The following DNAJC6 variants were observed in gnomAD, a reference collection of about 807,000 sequenced individuals.
DNAJC6 encodes DnaJ heat shock protein family (Hsp40) member C6, also known as auxilin.
A neutral mutation model predicts 110.0 loss-of-function variants in DNAJC6; 34 were observed. That is an observed-to-expected ratio of 0.31 (90% confidence interval 0.24 to 0.41). The LOEUF is 0.41. Among genes scored for constraint, DNAJC6 ranks in the 10% least tolerant of loss-of-function variants. The probability of loss-of-function intolerance (pLI) is 1.00; values close to 1 mark genes in which losing one functional copy is unlikely to be tolerated. For synonymous variants in DNAJC6, 406 were observed against 437.2 expected, an observed-to-expected ratio of 0.93 and a Z score of 0.89; for missense variants, 1,031 against 1,207.8, an observed-to-expected ratio of 0.85 and a Z score of 2.17.
At chr1:65,410,851 T>G (rs1469794385) in intron 17 of DNAJC6, among the ~76,000 whole-genome samples, 1 of 152,198 alleles carries the variant, frequency 6.6e-6, no homozygotes, top group Non-Finnish European at 1.5e-5. Context: ...CAATAAAGTG[T>G]GGTACATATT....
chr1:65,318,173 G>A (rs1056712898), intron 1 of DNAJC6, among the ~76,000 whole-genome samples: 17 of 152,154 alleles, frequency 1.1e-4, no homozygotes, highest in African/African-American at 3.4e-4. Context: ...ACTAGGCACA[G>A]TGTCTAGAAA....
chr1:65,412,395 C>G (rs1404185584), intron 18 of DNAJC6, among the ~76,000 whole-genome samples: 1 of 152,122 alleles, frequency 6.6e-6, no homozygotes, highest in Non-Finnish European at 1.5e-5. Flanking sequence ...GGAACACAGG[C>G]TTGAATTTGA....
At chr1:65,291,950 C>T (rs1644879629) in intron 1 of DNAJC6, among the ~76,000 whole-genome samples, 3 of 152,056 alleles carry the variant, frequency 2.0e-5, no homozygotes, top group Non-Finnish European at 1.5e-5. Context: ...ACTTTTTTCC[C>T]ACCTTCACTC....
intron 1 of DNAJC6, among the ~76,000 whole-genome samples, chr1:65,341,810 G>A (rs770970493): frequency 2.2e-4 from 33 of 150,642 alleles, no homozygotes; most frequent in Non-Finnish European, 4.1e-4. Context: ...GTGGGACTGG[G>A]CAGCAAGAAG....
intron 1 of DNAJC6, among the ~76,000 whole-genome samples, chr1:65,349,583 T>G (rs1645472186): frequency 6.6e-6 from 1 of 152,152 alleles, no homozygotes; most frequent in South Asian, 2.1e-4. Flanking sequence ...TCTATAAAGT[T>G]CTTGGTTGAT....
chr1:65,304,818 AT>A (rs564711658), upstream of DNAJC6, among the ~76,000 whole-genome samples: 7 of 152,338 alleles, frequency 4.6e-5, no homozygotes, highest in South Asian at 1.5e-3. Context: ...GAGGCTGAGT[AT>A]TCTACATTGG....
chr1:65,342,332 A>G (rs575968928), intron 1 of DNAJC6, among the ~76,000 whole-genome samples: 1 of 152,120 alleles, frequency 6.6e-6, no homozygotes, highest in South Asian at 2.1e-4. Context: ...GGCCTTTGGG[A>G]GGTGATTAGG....
intron 1 of DNAJC6, among the ~76,000 whole-genome samples, chr1:65,286,768 C>T (rs907593990): frequency 6.6e-6 from 1 of 152,104 alleles, no homozygotes; most frequent in Non-Finnish European, 1.5e-5. Flanking sequence ...TATCTTTTAC[C>T]ATGTGCTAGA....
Position 65,352,444 on chromosome 1 carries a change from TTGTGCC to T in DNAJC6, c.194-12190_194-12185del, listed in dbSNP as rs201719634. 8.7e-3 allele frequency among the ~76,000 whole-genome samples: 1,327 copies of T among 152,304 alleles called. 56 individuals carry two copies. In the East Asian group the frequency reaches 0.11, roughly 13 times the overall value. On this transcript the variant is annotated intron_variant, in intron 1 of 18. Transcript: ENST00000371069. Reference sequence around the variant, plus strand: ...GGCTAGAAGTCCAATGCACTATCCATTGTGCCACAGAGCCTGCCTGCTTGCACGAAT... The same window carrying T: ...GGCTAGAAGTCCAATGCACTATCCATACAGAGCCTGCCTGCTTGCACGAAT...
At chr1:65,399,379 C>T (rs1287337946) in intron 14 of DNAJC6, among the ~76,000 whole-genome samples, 1 of 152,102 alleles carries the variant, frequency 6.6e-6, no homozygotes, top group Non-Finnish European at 1.5e-5. Context: ...ACAAGGTCTC[C>T]TCCTCATGAC....
chr1:65,370,161 G>A (rs1052228930), intron 4 of DNAJC6, among the ~76,000 whole-genome samples: 3 of 152,050 alleles, frequency 2.0e-5, no homozygotes, highest in African/African-American at 7.2e-5. Context: ...TAAACCAGAT[G>A]TTCATAATGA....
intron 15 of DNAJC6, among the ~76,000 whole-genome samples, chr1:65,403,817 G>C (rs1212130340): frequency 6.6e-6 from 1 of 152,172 alleles, no homozygotes; most frequent in Non-Finnish European, 1.5e-5. Flanking sequence ...AGACATCAGA[G>C]AGTCCTGCAA....
intron 14 of DNAJC6, among the ~76,000 whole-genome samples, chr1:65,399,133 A>T (rs1254835585): frequency 6.6e-6 from 1 of 152,200 alleles, no homozygotes; most frequent in Non-Finnish European, 1.5e-5. Flanking sequence ...AATCAGACGG[A>T]TATAAATATA....
At chr1:65,406,647 A>C (rs1242365824) in intron 16 of DNAJC6, among the ~76,000 whole-genome samples, 1 of 152,130 alleles carries the variant, frequency 6.6e-6, no homozygotes, top group East Asian at 1.9e-4. Flanking sequence ...GGTCTTTCTT[A>C]TGCTCTGCTT....
chr1:65,380,115 A>G (rs958068657), intron 5 of DNAJC6, among the ~76,000 whole-genome samples: 1 of 152,166 alleles, frequency 6.6e-6, no homozygotes, highest in Non-Finnish European at 1.5e-5. Context: ...AGACATTCCC[A>G]TTATATCTAA....
intron 4 of DNAJC6, among the ~76,000 whole-genome samples, chr1:65,375,327 G>T (rs1019835639): frequency 6.6e-6 from 1 of 151,916 alleles, no homozygotes; most frequent in African/African-American, 2.4e-5. Flanking sequence ...AGCATCTATT[G>T]AAATAATCAC....
chr1:65,381,284 A>G (rs1345749957), intron 5 of DNAJC6, among the ~76,000 whole-genome samples: 4 of 152,024 alleles, frequency 2.6e-5, no homozygotes, highest in Non-Finnish European at 4.4e-5. Context: ...GTGGTGGCTC[A>G]TGCCTATAAT....
intron 4 of DNAJC6, among the ~76,000 whole-genome samples, chr1:65,372,553 A>G (rs1490537812): frequency 6.6e-6 from 1 of 152,162 alleles, no homozygotes; most frequent in Non-Finnish European, 1.5e-5. Flanking sequence ...ACCGCAAGCT[A>G]GCATTTACTG....
intron 1 of DNAJC6, among the ~76,000 whole-genome samples, chr1:65,352,713 A>T (rs886941429): frequency 6.6e-6 from 1 of 152,194 alleles, no homozygotes; most frequent in East Asian, 1.9e-4. Flanking sequence ...TCTGGAGAAC[A>T]GTAATTTGAT....
Sources: gnomAD v4.1 joint callset for allele counts (sites outside exome capture counted in the v4.1 genomes callset) on GRCh38, gnomAD v4.1.1 for gene constraint, MANE v1.5 for transcripts, NCBI Gene and HGNC (gene_info 2026-07-23, HGNC 2026-07-21) for gene names.